Variants in ADAM17 observed in about 807,000 individuals in gnomAD.
ADAM17 encodes ADAM metallopeptidase domain 17, also known as disintegrin and metalloproteinase domain-containing protein 17.
Under a neutral mutation model 96.7 loss-of-function variants are expected in ADAM17, and 39 were observed. The ratio of observed to expected loss-of-function variants is 0.40; its 90% confidence interval spans 0.31 to 0.53. The LOEUF (loss-of-function observed/expected upper bound fraction) is 0.53, where lower values mean the gene tolerates loss of function less well. ADAM17 is among the 20% of genes least tolerant of loss of function. ADAM17 has a pLI of 0.44. For synonymous variants in ADAM17, 344 were observed against 359.2 expected, an observed-to-expected ratio of 0.96 and a Z score of 0.48; for missense variants, 777 against 1,013.2, an observed-to-expected ratio of 0.77 and a Z score of 3.17.
chr2:9,490,328 T>C lies in ADAM17; in HGVS notation c.2324A>G (p.Asp775Gly). The C allele has an allele frequency of 6.2e-7, 1 of 1,614,092 alleles. No individual in the cohort carries two copies. The highest frequency in any genetic ancestry group is 1.1e-5 in the South Asian group (1 of 91,068). The change falls in exon 19 of 19, where the codon GAT becomes GGT. Residue 775 changes from aspartate to glycine, a missense_variant. Asp to Gly is a moderately conservative substitution (Grantham distance 94). Transcript: ENST00000310823. ...DPSTDSHMDE[D>G]GFEKDPFPNS... ...TGGGAAGGGGTCCTTCTCAAACCCA[T>C]CCTCGTCCATATGTGAGTCTGTGCT... is the stretch of plus-strand genomic sequence containing the variant.
chr2:9,533,730 T>C (rs749583686), intron 4 of ADAM17, among the ~76,000 whole-genome samples: 27 of 152,164 alleles, frequency 1.8e-4, no homozygotes, highest in Admixed American at 6.6e-5. Context: ...CGGAAGGCCA[T>C]TTCCAAGCCT....
Position 9,509,985 on chromosome 2 carries a change from G to A in ADAM17, c.1338C>T (p.Asn446=), listed in dbSNP as rs1288477063. Residue 446 remains asparagine (N), a synonymous_variant, in exon 11 of 19, where the codon AAC becomes AAT. Coordinates refer to ENST00000310823, the MANE Select transcript of ADAM17 (RefSeq NM_003183.6). ...YPIAVSGDHE[N]NKMFSNCSKQ... is the part of the protein sequence containing the mutation. ...ATTCTCGACACACACATACCTTATTGTTCTCGTGATCGCCACTCACAGCTA... is the reference window on the plus strand; with the variant it reads ...ATTCTCGACACACACATACCTTATTATTCTCGTGATCGCCACTCACAGCTA... 6.2e-7 allele frequency: 1 copy of A among 1,613,870 alleles called. No homozygotes were observed. The highest frequency in any genetic ancestry group is 2.2e-5 in the East Asian group (1 of 44,870).
At chr2:9,547,131 TTTGTTG>T (rs1226156996) in intron 1 of ADAM17, among the ~76,000 whole-genome samples, 5 of 152,226 alleles carry the variant, frequency 3.3e-5, no homozygotes, top group Non-Finnish European at 5.9e-5. Flanking sequence ...ATCTGCATTT[TTTGTTG>T]TTTTTGCTTT....
intron 10 of ADAM17, among the ~76,000 whole-genome samples, chr2:9,514,917 T>C (rs558853151): frequency 5.5e-4 from 83 of 152,208 alleles, no homozygotes; most frequent in Middle Eastern, 3.4e-3. Flanking sequence ...CAGGCTGGAA[T>C]GTAGCGGGTA....
Position 9,497,307 on chromosome 2 carries a change from G to C in ADAM17, c.1649-59C>G. 8 of 1,599,680 alleles carry C rather than the reference G, an allele frequency of 5.0e-6. No homozygotes were observed. The Admixed American group carries it at 5.1e-5, about 10-fold the overall frequency. ...GAGTCACAGGTCCACCAGTTCTACA[G>C]GTGCATAATACGCTGTTTCTCATAC... On this transcript the variant is annotated intron_variant, in intron 13 of 18. Transcript: ENST00000310823.
intron 1 of ADAM17, among the ~76,000 whole-genome samples, chr2:9,552,880 T>C (rs1665625876): frequency 6.6e-6 from 1 of 151,926 alleles, no homozygotes; most frequent in Admixed American, 6.6e-5. Flanking sequence ...TTTTTTGCCT[T>C]TCAGAAAAAT....
In ADAM17 at chr2:9,490,269, G is replaced by C. The variant is rs1662013853; in HGVS notation, c.2383C>G (p.Leu795Val). Residue 795 changes from leucine to valine, a missense_variant, in exon 19 of 19, where the codon CTC (leucine) becomes GTC (valine). Physicochemically the swap from Leu to Val is conservative, Grantham distance 32. Around this residue, in one of 3 missense-constraint regions of ADAM17, gnomAD observed 197 missense variants for 219.4 expected, o/e 0.90. Coordinates refer to ENST00000310823, the MANE Select transcript of ADAM17 (RefSeq NM_003183.6). ...SSTAAKSFEDLTDHPVTRSEK... is the reference protein window; with the variant it reads ...SSTAAKSFEDVTDHPVTRSEK... ...CTTCTGGTGACCGGATGGTCCGTGA[G>C]ATCCTCAAATGACTTGGCAGCTGTG... 13 of 1,614,062 alleles carry C rather than the reference G, an allele frequency of 8.1e-6. No individual in the cohort carries two copies. Among genetic ancestry groups the C allele is most frequent in the Admixed American group, 1.7e-5 (1 of 60,008 alleles).
intron 5 of ADAM17, 47 bp downstream of exon 5, chr2:9,527,739 T>C (rs765734247): frequency 1.5e-6 from 2 of 1,310,704 alleles, no homozygotes; most frequent in South Asian, 2.0e-5. Context: ...CTGAAGTCAA[T>C]TGTAGTATGT....
At chr2:9,545,774 T>C (rs1039561385) in intron 1 of ADAM17, among the ~76,000 whole-genome samples, 2 of 152,098 alleles carry the variant, frequency 1.3e-5, no homozygotes, top group African/African-American at 4.8e-5. Flanking sequence ...TCTGCAACTA[T>C]TTTAAATGTC....
intron 17 of ADAM17, among the ~76,000 whole-genome samples, chr2:9,492,202 G>T (rs140298748): frequency 6.6e-6 from 1 of 152,196 alleles, no homozygotes; most frequent in African/African-American, 2.4e-5. Context: ...GGGAAAACAA[G>T]TCTGGAAGCC....
intron 16 of ADAM17, among the ~76,000 whole-genome samples, chr2:9,493,299 G>A (rs1175740487): frequency 6.6e-6 from 1 of 152,180 alleles, no homozygotes; most frequent in Admixed American, 6.5e-5. Context: ...CAAAGTTTTT[G>A]TTACCTGGAT....
rs368540920 is a variant in ADAM17 at position 9,502,169 on chromosome 2, G to A, written c.1648+4C>T. The A allele has an allele frequency of 2.0e-5, 32 of 1,612,466 alleles. No homozygotes were observed. The highest frequency in any genetic ancestry group is 1.0e-4 in the Admixed American group (6 of 59,916). On this transcript the variant is annotated splice_donor_region_variant and intron_variant, in intron 13 of 18. Transcript: ENST00000310823. Reference sequence around the variant, plus strand: ...CATTCCAAGGAAGCAACAAGAACACGAACCTGTGCAGTAGGACACGCCTTT... The same window carrying A: ...CATTCCAAGGAAGCAACAAGAACACAAACCTGTGCAGTAGGACACGCCTTT...
At chr2:9,523,944 T>C (rs928802792) in intron 6 of ADAM17, among the ~76,000 whole-genome samples, 3 of 151,596 alleles carry the variant, frequency 2.0e-5, no homozygotes, top group Admixed American at 6.6e-5. Context: ...GGCACGATCA[T>C]AGCTCACTAC....
At chr2:9,507,880 T>C (rs1204879546) in intron 11 of ADAM17, among the ~76,000 whole-genome samples, 4 of 152,124 alleles carry the variant, frequency 2.6e-5, no homozygotes, top group Non-Finnish European at 5.9e-5. Context: ...GCCCAGCTAA[T>C]TTTTGTATTT....
chr2:9,524,951 G>T (rs967300069), intron 6 of ADAM17, among the ~76,000 whole-genome samples: 1 of 152,046 alleles, frequency 6.6e-6, no homozygotes, highest in Non-Finnish European at 1.5e-5. Flanking sequence ...CTAAGAAGTT[G>T]TAAAAAAATA....
At chr2:9,510,489 C>T (rs1663675517) in intron 10 of ADAM17, among the ~76,000 whole-genome samples, 1 of 152,080 alleles carries the variant, frequency 6.6e-6, no homozygotes, top group African/African-American at 2.4e-5. Context: ...CATGGTGAAA[C>T]CCTGTCTCTA....
chr2:9,493,090 G>T, intron 16 of ADAM17, 104 bp from the exon 17 acceptor site: 1 of 903,168 alleles, frequency 1.1e-6, no homozygotes, highest in Non-Finnish European at 1.7e-6. Context: ...AGAGCTGCTG[G>T]CTAGACATAC....
intron 11 of ADAM17, among the ~76,000 whole-genome samples, chr2:9,506,586 C>T (rs1057206427): frequency 3.3e-5 from 5 of 151,606 alleles, no homozygotes; most frequent in South Asian, 4.2e-4. Context: ...AGGATGGTCT[C>T]GATCTCTTGA....
At position 9,510,183 on chromosome 2, in the gene ADAM17, A is replaced by G. The variant is rs781145894; in HGVS notation, c.1192-52T>C. 1.1e-5 allele frequency: 17 copies of G among 1,599,854 alleles called. No individual in the cohort carries two copies. The African/African-American group carries it at 1.9e-4, about 18-fold the overall frequency. ...ATTTCTCAATATCCAGCCATCACCT[A>G]CTTCTGCCAGTTGGGCCTATGCTGT... On this transcript the variant is annotated intron_variant, in intron 10 of 18. Transcript: ENST00000310823.
Sources: gnomAD v4.1 joint callset for allele counts (sites outside exome capture counted in the v4.1 genomes callset) on GRCh38, gnomAD v4.1.1 for gene constraint, gnomAD v4.1.1 regional missense constraint, MANE v1.5 for transcripts, NCBI Gene and HGNC (gene_info 2026-07-23, HGNC 2026-07-21) for gene names.